CAPN2: variants seen among roughly 807,000 people sequenced by gnomAD.
The protein encoded by CAPN2 is calpain 2.
Under a neutral mutation model 102.3 loss-of-function variants are expected in CAPN2, and 92 were observed. The observed-to-expected ratio is 0.90, with a 90% CI of 0.76 to 1.07. The LOEUF (loss-of-function observed/expected upper bound fraction) is 1.07. CAPN2 is among the 50% of genes least tolerant of loss of function. CAPN2 has a pLI of 0.00. For synonymous variants in CAPN2, 340 were observed against 355.4 expected (o/e 0.96, Z 0.49); for missense variants, 800 against 909.4 (o/e 0.88, Z 1.55).
At chr1:223,772,267 T>C (rs780726813) in intron 20 of CAPN2, 28 bp downstream of exon 20, 1 of 1,602,814 alleles carries the variant, frequency 6.2e-7, no homozygotes, top group Non-Finnish European at 8.5e-7. Context: ...GCCTTGCTTC[T>C]AAGGGGATGG....
At chr1:223,748,243 G>A (rs1660798302) in intron 5 of CAPN2, among the ~76,000 whole-genome samples, 1 of 152,240 alleles carries the variant, frequency 6.6e-6, no homozygotes, top group Non-Finnish European at 1.5e-5. Context: ...GAGCCTTGGA[G>A]CAAAGGCTGT....
At chr1:223,721,228 G>GGGCTGGAGACCC (rs1221616883) in intron 2 of CAPN2, among the ~76,000 whole-genome samples, 3 of 152,192 alleles carry the variant, frequency 2.0e-5, no homozygotes, top group African/African-American at 7.2e-5. Context: ...TCTGGAGGAA[G>GGGCTGGAGACCC]GGCTGGAGAC....
chr1:223,759,611 A>G lies in CAPN2; in HGVS notation c.1529+130A>G. The G allele has an allele frequency of 1.5e-6, 1 of 683,866 alleles. No individual in the cohort carries two copies. The highest frequency in any genetic ancestry group is 2.5e-6 in the Non-Finnish European group (1 of 404,030). The allele number at this position is 683,866 out of a possible 1,614,324, so 42.4% of individuals were successfully genotyped here. A position where few individuals can be genotyped will look rare whatever the true frequency, so the allele number is the denominator to read the frequency against. On this transcript the variant is annotated intron_variant, in intron 12 of 20. Transcript: ENST00000295006. This position sits in a 1 kb window ranked among gnomAD's most constrained non-coding sequence, Gnocchi z 4.6. Reference sequence around the variant, plus strand: ...TTTTCTGTAACACCTGCCCACCTCGAAGGACTAGTGTGGGGATTTGATGGA... The same window carrying G: ...TTTTCTGTAACACCTGCCCACCTCGGAGGACTAGTGTGGGGATTTGATGGA...
intron 2 of CAPN2, 48 bp downstream of exon 2, chr1:223,717,879 G>T (rs773994562): frequency 5.6e-6 from 8 of 1,431,276 alleles, no homozygotes; most frequent in Non-Finnish European, 7.9e-6. Flanking sequence ...CTGTAAGGCT[G>T]TGGGTGGAAG....
intron 15 of CAPN2, among the ~76,000 whole-genome samples, chr1:223,764,840 G>A (rs549584916): frequency 9.9e-5 from 15 of 152,236 alleles, no homozygotes; most frequent in Admixed American, 7.2e-4. Context: ...TGCCCACCTC[G>A]GCCTCCCAAA....
rs549241504 is a variant in CAPN2 at position 223,724,818 on chromosome 1, T to C, written c.307+6987T>C. ...AACCCATTTCCACAAAAAAAAATTT[T>C]TTTAATTAGCTGGGCATGGTGGTGT... On this transcript the variant is annotated intron_variant, in intron 2 of 20. Coordinates refer to ENST00000295006, the MANE Select transcript of CAPN2 (RefSeq NM_001748.5). Among the ~76,000 whole-genome samples, 332 of 152,068 alleles carry C rather than the reference T, an allele frequency of 2.2e-3. 1 individual carries two copies. The highest frequency in any genetic ancestry group is 6.8e-3 in the Middle Eastern group (2 of 294).
At chr1:223,735,555 T>C (rs1660436093) in intron 2 of CAPN2, among the ~76,000 whole-genome samples, 1 of 151,678 alleles carries the variant, frequency 6.6e-6, no homozygotes, top group Non-Finnish European at 1.5e-5. Context: ...ATTTGTGGTC[T>C]TCTAACCACA....
At chr1:223,762,411 G>A (rs1661212403) in intron 14 of CAPN2, among the ~76,000 whole-genome samples, 160 bp downstream of exon 14, 1 of 152,176 alleles carries the variant, frequency 6.6e-6, no homozygotes, top group Non-Finnish European at 1.5e-5. Flanking sequence ...CAGCCCTCTT[G>A]CGTGTGTCCT....
chr1:223,712,297 G>C (rs1439428024), upstream of CAPN2: 1 of 249,576 alleles, frequency 4.0e-6, no homozygotes, highest in African/African-American at 2.3e-5. Context: ...CTCGGGTTCC[G>C]GTGGGAGCCC....
intron 17 of CAPN2, 109 bp downstream of exon 17, chr1:223,770,018 G>T: frequency 1.0e-6 from 1 of 953,652 alleles, no homozygotes; most frequent in East Asian, 2.6e-5. Flanking sequence ...AAGGGGATTG[G>T]GATTTTACCC....
At chr1:223,704,647 A>C (rs923949566) in intron 1 of CAPN2, among the ~76,000 whole-genome samples, 1 of 152,200 alleles carries the variant, frequency 6.6e-6, no homozygotes, top group Non-Finnish European at 1.5e-5. Context: ...AGCTGAGGGA[A>C]GGGAAATGAG....
intron 14 of CAPN2, among the ~76,000 whole-genome samples, chr1:223,763,331 G>A (rs540583304): frequency 2.6e-5 from 4 of 152,058 alleles, no homozygotes; most frequent in East Asian, 1.9e-4. Flanking sequence ...TCTGCTCTGC[G>A]CCTCCACCGG....
intron 2 of CAPN2, among the ~76,000 whole-genome samples, chr1:223,737,702 CGGGGCGGG>C: frequency 1.3e-4 from 1 of 7,614 alleles, no homozygotes; most frequent in South Asian, 2.4e-3. Context: ...CCAAAAGAGA[CGGGGCGGG>C]GGGTGGGGGG....
intron 20 of CAPN2, among the ~76,000 whole-genome samples, chr1:223,774,539 C>T (rs976904410): frequency 6.6e-6 from 1 of 152,226 alleles, no homozygotes; most frequent in Non-Finnish European, 1.5e-5. Flanking sequence ...TGATGTGATA[C>T]TCTGAGGCAG....
At chr1:223,746,723 G>A (rs1034803750) in intron 4 of CAPN2, among the ~76,000 whole-genome samples, 3 of 151,882 alleles carry the variant, frequency 2.0e-5, no homozygotes, top group Admixed American at 1.3e-4. Flanking sequence ...CAAGTGATCC[G>A]CCCACCTCGG....
At chr1:223,733,688 TAACGATTCAAA>T (rs1660384450) in intron 2 of CAPN2, among the ~76,000 whole-genome samples, 2 of 152,126 alleles carry the variant, frequency 1.3e-5, no homozygotes, top group Non-Finnish European at 2.9e-5. Flanking sequence ...CTGCTGTGCT[TAACGATTCAAA>T]AACACAAATC....
At chr1:223,738,712 C>G (rs1047639375) in intron 2 of CAPN2, among the ~76,000 whole-genome samples, 5 of 152,226 alleles carry the variant, frequency 3.3e-5, no homozygotes. Context: ...TGCAAACAGA[C>G]AGCTTGCATC....
intron 15 of CAPN2, 29 bp downstream of exon 15, chr1:223,764,236 T>C (rs1312147087): frequency 6.3e-7 from 1 of 1,587,522 alleles, no homozygotes; most frequent in Non-Finnish European, 8.6e-7. Flanking sequence ...CAAAACCTCA[T>C]CCTGCTCTTT....
chr1:223,772,472 TTTGAC>T (rs1425474866), intron 20 of CAPN2: 1 of 506,526 alleles, frequency 2.0e-6, no homozygotes, highest in East Asian at 3.0e-5. Flanking sequence ...TCTCATGAGC[TTTGAC>T]TTGAGTGTAG....
Sources: allele counts gnomAD v4.1 joint callset (sites outside exome capture counted in the v4.1 genomes callset), GRCh38; gene constraint gnomAD v4.1.1; non-coding constraint Gnocchi (gnomAD v3.1); transcripts MANE v1.5; gene names NCBI Gene and HGNC (gene_info 2026-07-23, HGNC 2026-07-21).